ZNF568: variants seen among roughly 807,000 people sequenced by gnomAD.
ZNF568 encodes the protein zinc finger protein 568, also known as p53 inhibitor of SCO2 activation.
A neutral mutation model predicts 18.1 loss-of-function variants in ZNF568; 11 were observed. The ratio of observed to expected loss-of-function variants is 0.61; its 90% CI spans 0.38 to 1.00. The LOEUF is 1.00. Ranked by LOEUF, ZNF568 falls within the 50% of genes least tolerant of loss-of-function variation. The pLI is 0.01. For synonymous variants in ZNF568, 213 were observed against 246.6 expected (o/e 0.86, Z 1.28); for missense variants, 639 against 768.2 (o/e 0.83, Z 1.99).
intron 2 of ZNF568, among the ~76,000 whole-genome samples, chr19:36,921,164 GAAAGTGATCACTGT>G (rs2073447520): frequency 6.6e-6 from 1 of 152,110 alleles, no homozygotes; most frequent in Non-Finnish European, 1.5e-5. Flanking sequence ...TAGTTTGTTA[GAAAGTGATCACTGT>G]CGGCCAAGCA....
At chr19:36,953,918 T>C (rs2074088192), downstream of ZNF568, among the ~76,000 whole-genome samples, 1 of 148,678 alleles carries the variant, frequency 6.7e-6, no homozygotes, top group Non-Finnish European at 1.5e-5. Context: ...CTCAAAAAAA[T>C]AAAAAATAAA....
At chr19:36,965,723 TA>T (rs34393549) in intron 6 of ZNF568, among the ~76,000 whole-genome samples, 47,263 of 108,852 alleles carry the variant, frequency 0.43, 8,785 homozygotes, top group African/African-American at 0.53. Flanking sequence ...TTTTTTTTTT[TA>T]AGAGTCTTGC....
exon 5 of ZNF568, chr19:36,996,341 A>C: frequency 2.0e-6 from 3 of 1,531,288 alleles, no homozygotes; most frequent in Non-Finnish European, 2.6e-6. Context: ...AGAGAAACCA[A>C]GAATTTATCT....
chr19:36,990,059 G>A (rs1183540041), intron 2 of ZNF568, among the ~76,000 whole-genome samples: 1 of 152,236 alleles, frequency 6.6e-6, no homozygotes, highest in Non-Finnish European at 1.5e-5. Flanking sequence ...CTCAGTATCA[G>A]CCAGTATCTC....
At chr19:36,984,340 T>G (rs1002295455), downstream of ZNF568, among the ~76,000 whole-genome samples, 2 of 152,206 alleles carry the variant, frequency 1.3e-5, no homozygotes, top group Non-Finnish European at 2.9e-5. Context: ...TTCTATGAGT[T>G]TGAAAGTTAT....
downstream of ZNF568, among the ~76,000 whole-genome samples, chr19:36,983,171 T>C (rs2074345649): frequency 6.6e-6 from 1 of 152,232 alleles, no homozygotes; most frequent in Non-Finnish European, 1.5e-5. Flanking sequence ...CTGTGCTGCA[T>C]GGCAGAGTTG....
At chr19:36,941,358 A>G (rs1348180815) in intron 6 of ZNF568, among the ~76,000 whole-genome samples, 1 of 152,226 alleles carries the variant, frequency 6.6e-6, no homozygotes, top group Admixed American at 6.5e-5. Flanking sequence ...AAATAAACAT[A>G]GGATAAGATG....
intron 6 of ZNF568, among the ~76,000 whole-genome samples, chr19:36,962,257 A>G (rs1456950114): frequency 3.1e-5 from 2 of 64,470 alleles, no homozygotes; most frequent in African/African-American, 5.6e-5. Context: ...CCTTATTTTC[A>G]TGATGGTAAG....
chr19:36,994,583 G>C (rs1429798336), intron 4 of ZNF568, among the ~76,000 whole-genome samples: 7 of 152,082 alleles, frequency 4.6e-5, no homozygotes, highest in African/African-American at 1.7e-4. Context: ...TGTGTTATTA[G>C]GTGTATATGT....
rs2074045874 is a variant in ZNF568, at chr19:36,950,739, C to T, written c.1586C>T (p.Pro529Leu). The change falls in exon 7 of 7, where the codon CCT becomes CTT. Residue 529 changes from proline (P) to leucine (L), a missense_variant. By Grantham distance (98) the Pro-to-Leu change is moderately conservative. Coordinates refer to ENST00000333987, the MANE Select transcript of ZNF568 (RefSeq NM_198539.4). ...EHEKIHTGEK[P>L]YHCNQCGKAF... ...GAGAAAATTCATACTGGAGAGAAAC[C>T]TTATCATTGTAATCAATGTGGGAAA... is the stretch of plus-strand genomic sequence containing the variant. 2.5e-6 allele frequency: 4 copies of T among 1,613,508 alleles called. No homozygotes were observed. In the African/African-American group the frequency reaches 5.3e-5, roughly 22 times the overall value.
At chr19:36,937,003 A>C in intron 5 of ZNF568, 131 bp downstream of exon 5, 1 of 1,359,764 alleles carries the variant, frequency 7.4e-7, no homozygotes, top group Middle Eastern at 2.1e-4. Flanking sequence ...TCCACTCTTC[A>C]GTGTTAAAGG....
chr19:36,951,098 G>T lies in ZNF568; in HGVS notation c.*10G>T. The T allele has an allele frequency of 1.3e-6, 2 of 1,485,760 alleles. No individual in the cohort carries two copies. Among genetic ancestry groups the T allele is most frequent in the South Asian group, 1.5e-5 (1 of 67,034 alleles). The allele number at this position is 1,485,760 out of a possible 1,614,324, so 92.0% of individuals were successfully genotyped here. On this transcript the variant is annotated 3_prime_UTR_variant, in exon 7 of 7. Transcript: ENST00000333987. Reference sequence around the variant, plus strand: ...ACACCAAGTATATTAAATGAAAGAAGGCCTCTTAAATTCAACCCATGTTTT... The same window carrying T: ...ACACCAAGTATATTAAATGAAAGAATGCCTCTTAAATTCAACCCATGTTTT...
chr19:36,976,890 A>G (rs1001535091), intron 7 of ZNF568, among the ~76,000 whole-genome samples: 1 of 102,450 alleles, frequency 9.8e-6, no homozygotes, highest in Non-Finnish European at 2.0e-5. Flanking sequence ...AGCCTGGGCA[A>G]CAAGAGCAAA....
intron 6 of ZNF568, among the ~76,000 whole-genome samples, chr19:36,966,617 T>C (rs1739531507): frequency 6.6e-6 from 1 of 152,236 alleles, no homozygotes; most frequent in African/African-American, 2.4e-5. Context: ...GAAGCATTTC[T>C]CCTTTACAGT....
chr19:36,964,964 T>A (rs7254245), intron 6 of ZNF568, among the ~76,000 whole-genome samples: 30,927 of 152,016 alleles, frequency 0.2, 3,279 homozygotes, highest in African/African-American at 0.28. Context: ...TTCTGCGCTC[T>A]CCTAGTTGGG....
chr19:36,961,595 T>TG (rs1361582547), intron 6 of ZNF568, among the ~76,000 whole-genome samples: 1 of 151,896 alleles, frequency 6.6e-6, no homozygotes, highest in Non-Finnish European at 1.5e-5. Flanking sequence ...GGCGGGTTCT[T>TG]GGCTCACTGC....
At chr19:36,927,903 A>ATATT in intron 4 of ZNF568, among the ~76,000 whole-genome samples, 1 of 26,622 alleles carries the variant, frequency 3.8e-5, no homozygotes, top group African/African-American at 2.5e-4. Flanking sequence ...ATATATATAT[A>ATATT]TTTTTTTTTT....
At chr19:36,932,388 G>A (rs1285760710) in intron 4 of ZNF568, among the ~76,000 whole-genome samples, 1 of 152,154 alleles carries the variant, frequency 6.6e-6, no homozygotes, top group Non-Finnish European at 1.5e-5. Flanking sequence ...AGGAGTTCAA[G>A]ACCCACCTGA....
chr19:36,972,464 C>T (rs963490883), intron 6 of ZNF568, among the ~76,000 whole-genome samples: 2 of 152,168 alleles, frequency 1.3e-5, no homozygotes, highest in African/African-American at 4.8e-5. Context: ...CCTTCAGTCT[C>T]TCCTAGGCCA....
Sources: allele counts gnomAD v4.1 joint callset (sites outside exome capture counted in the v4.1 genomes callset), GRCh38; gene constraint gnomAD v4.1.1; transcripts MANE v1.5; gene names NCBI Gene and HGNC (gene_info 2026-07-23, HGNC 2026-07-21).